The following KPNB1 variants were observed in gnomAD, a reference collection of about 807,000 sequenced individuals.
KPNB1 encodes the protein karyopherin subunit beta 1, also known as importin subunit beta-1.
A neutral mutation model predicts 113.0 loss-of-function variants in KPNB1; 7 were observed. The observed-to-expected ratio is 0.06, with a 90% CI of 0.04 to 0.12. KPNB1 has a LOEUF of 0.12. Ranked by LOEUF, KPNB1 falls within the 10% of genes least tolerant of loss-of-function variation. The pLI is 1.00. For missense variants in KPNB1, 400 were observed against 1,054.8 expected (o/e 0.38, Z 8.60); for synonymous variants, 363 against 378.6 (o/e 0.96, Z 0.48).
Position 47,650,059 on chromosome 17 carries a change from A to C in KPNB1, c.-186A>C. 1 of 1,381,024 alleles carries C rather than the reference A, an allele frequency of 7.2e-7. No homozygotes were observed. Among genetic ancestry groups the C allele is most frequent in the African/African-American group, 1.5e-5 (1 of 66,488 alleles). The allele number at this position is 1,381,024 out of a possible 1,614,324, so 85.5% of individuals were successfully genotyped here. On this transcript the variant is annotated 5_prime_UTR_variant, in exon 1 of 22. Transcript: ENST00000290158. The stretch of plus-strand genomic sequence containing the variant: ...CCATTTGGAGGGAGGAAGTAAGGGA[A>C]GAGGAGAGGAAGGGGAGCCGGACCG...
chr17:47,667,015 A>G (rs1299284221), intron 9 of KPNB1, among the ~76,000 whole-genome samples: 2 of 152,226 alleles, frequency 1.3e-5, no homozygotes, highest in Non-Finnish European at 2.9e-5. Flanking sequence ...TAAGTTTACT[A>G]TGTGGTGTGA....
intron 5 of KPNB1, among the ~76,000 whole-genome samples, chr17:47,660,532 C>T (rs1214142993): frequency 6.6e-6 from 1 of 152,192 alleles, no homozygotes; most frequent in Non-Finnish European, 1.5e-5. Flanking sequence ...TTTGTTGACA[C>T]TTCAGCTGGG....
At chr17:47,677,472 C>CAAAAAA (rs746941632) in intron 17 of KPNB1, among the ~76,000 whole-genome samples, 1 of 53,270 alleles carries the variant, frequency 1.9e-5, no homozygotes, top group Non-Finnish European at 4.1e-5. Flanking sequence ...AACTCCGTCT[C>CAAAAAA]AAAAAAAAAA....
At chr17:47,660,801 C>CTT (rs1254605066) in intron 5 of KPNB1, among the ~76,000 whole-genome samples, 1 of 152,186 alleles carries the variant, frequency 6.6e-6, no homozygotes, top group East Asian at 1.9e-4. Context: ...AAATTTTTAT[C>CTT]TTTTAACCAT....
At chr17:47,680,463 G>C (rs1368311236) in intron 20 of KPNB1, 45 bp from the exon 21 acceptor site, 1 of 1,605,206 alleles carries the variant, frequency 6.2e-7, no homozygotes, top group African/African-American at 1.3e-5. Flanking sequence ...CATTATACTG[G>C]TATGGGGCTA....
intron 5 of KPNB1, 46 bp from the exon 6 acceptor site, chr17:47,661,073 A>T: frequency 6.8e-7 from 1 of 1,469,196 alleles, no homozygotes; most frequent in Non-Finnish European, 9.5e-7. Context: ...CTTCCTACGT[A>T]CAGGTTATGC....
chr17:47,650,008 A>C lies in KPNB1; in HGVS notation c.-237A>C. On this transcript the variant is annotated 5_prime_UTR_variant, in exon 1 of 22. Coordinates refer to ENST00000290158, the MANE Select transcript of KPNB1 (RefSeq NM_002265.6). ...CACCAGCGCGCTCTGAGCTGCCCCCAGGGTCCCTCCCCCGCCGCCAGCAGC... is the reference window on the plus strand; with the variant it reads ...CACCAGCGCGCTCTGAGCTGCCCCCCGGGTCCCTCCCCCGCCGCCAGCAGC... The C allele has an allele frequency of 7.4e-7, 1 of 1,355,940 alleles. No homozygotes were observed. The highest frequency in any genetic ancestry group is 9.4e-7 in the Non-Finnish European group (1 of 1,059,370). 84.0% of individuals were successfully genotyped at this position (1,355,940 alleles called of 1,614,324 possible).
chr17:47,681,686 G>GTTTTTTTTT (rs59222945), intron 21 of KPNB1, among the ~76,000 whole-genome samples: 3,439 of 96,248 alleles, frequency 0.036, no homozygotes, highest in East Asian at 0.044. Context: ...GGAATTATAG[G>GTTTTTTTTT]TTTTTTTTTT....
intron 9 of KPNB1, among the ~76,000 whole-genome samples, chr17:47,666,010 C>G (rs773788713): frequency 2.6e-5 from 4 of 151,896 alleles, no homozygotes; most frequent in Non-Finnish European, 4.4e-5. Flanking sequence ...TGGGTGTTCC[C>G]TTAATTTTCA....
chr17:47,674,546 A>G (rs558165782), intron 14 of KPNB1, 92 bp from the exon 15 acceptor site: 1 of 1,270,682 alleles, frequency 7.9e-7, no homozygotes, highest in African/African-American at 1.5e-5. Flanking sequence ...AAAAAATATC[A>G]AGGGACTTAA....
Position 47,679,993 on chromosome 17 carries a change from G to T in KPNB1, c.2354-27G>T. The T allele has an allele frequency of 2.0e-6, 3 of 1,533,908 alleles. No homozygotes were observed. In the South Asian group the frequency reaches 3.4e-5, roughly 17 times the overall value. ...TTTACAGGCATGAGCCACCGCACCC[G>T]ACCAATACCTTCTCTCTCTTTTATA... On this transcript the variant is annotated intron_variant, in intron 19 of 21. Coordinates refer to ENST00000290158, the MANE Select transcript of KPNB1 (RefSeq NM_002265.6).
At chr17:47,677,788 A>G (rs1269933565) in intron 17 of KPNB1, among the ~76,000 whole-genome samples, 1 of 152,210 alleles carries the variant, frequency 6.6e-6, no homozygotes, top group Admixed American at 6.5e-5. Context: ...GATAGCCATC[A>G]TTAATTATTG....
At chr17:47,660,537 G>C (rs976986177) in intron 5 of KPNB1, among the ~76,000 whole-genome samples, 2 of 152,212 alleles carry the variant, frequency 1.3e-5, no homozygotes, top group African/African-American at 2.4e-5. Context: ...TGACACTTCA[G>C]CTGGGTTTTT....
intron 9 of KPNB1, among the ~76,000 whole-genome samples, chr17:47,665,875 T>C (rs886208704): frequency 1.3e-4 from 20 of 152,216 alleles, no homozygotes; most frequent in African/African-American, 3.6e-4. Context: ...GACGAAACAA[T>C]GTTGGTAACT....
chr17:47,671,984 AC>A (rs1234713839), intron 12 of KPNB1: 1 of 151,450 alleles, frequency 6.6e-6, no homozygotes, highest in Non-Finnish European at 1.5e-5. Context: ...AGCAAAGTAA[AC>A]CTTCAGGAAG....
In KPNB1 at chr17:47,650,388, C is replaced by T; in HGVS notation, c.43C>T (p.Arg15Trp). 6.2e-7 allele frequency: 1 copy of T among 1,611,442 alleles called. No individual in the cohort carries two copies. Among genetic ancestry groups the T allele is most frequent in the Non-Finnish European group, 8.5e-7 (1 of 1,179,470 alleles). ...TILEKTVSPDRLELEAAQKFL... is the reference protein window; with the variant it reads ...TILEKTVSPDWLELEAAQKFL... Reference sequence around the variant, plus strand: ...GTCTCCCACTTTCCTCCCCCTAGATCGGCTGGAGCTGGAAGCGGCGCAGAA... The same window carrying T: ...GTCTCCCACTTTCCTCCCCCTAGATTGGCTGGAGCTGGAAGCGGCGCAGAA... Residue 15 changes from arginine (R) to tryptophan (W), a missense_variant and splice_region_variant, in exon 2 of 22, where the codon CGG (arginine) becomes TGG (tryptophan). This residue lies in a region of KPNB1 where 285 missense variants were observed against 627.0 expected (regional missense o/e 0.45). Transcript: ENST00000290158.
In KPNB1 at chr17:47,677,147, C is replaced by T. The variant is rs28696135; in HGVS notation, c.2103+20C>T. 1 of 1,494,386 alleles carries T rather than the reference C, an allele frequency of 6.7e-7. No homozygotes were observed. The highest frequency in any genetic ancestry group is 1.1e-5 in the South Asian group (1 of 88,114). 92.6% of individuals were successfully genotyped at this position (1,494,386 alleles called of 1,614,324 possible). A position where few individuals can be genotyped will look rare whatever the true frequency, so the allele number is the denominator to read the frequency against. On this transcript the variant is annotated intron_variant, in intron 17 of 21. Transcript: ENST00000290158. The stretch of plus-strand genomic sequence containing the variant: ...TTGGGGGTGAGTATCTACACACAAT[C>T]TAATTAACCAGTCTTCTTTGAAGAA...
chr17:47,649,972 C>T lies in KPNB1; in HGVS notation c.-273C>T, dbSNP rs1034490754. 4 of 1,325,874 alleles carry T rather than the reference C, an allele frequency of 3.0e-6. No individual in the cohort carries two copies. In the African/African-American group the frequency reaches 6.1e-5, roughly 20 times the overall value. 82.1% of individuals were successfully genotyped at this position (1,325,874 alleles called of 1,614,324 possible). ...AGCCTCCCTTCCTTCTTTCTCCCTC[C>T]GCCTCCCGAGCACCAGCGCGCTCTG... On this transcript the variant is annotated 5_prime_UTR_variant, in exon 1 of 22. Coordinates refer to ENST00000290158, the MANE Select transcript of KPNB1 (RefSeq NM_002265.6).
At chr17:47,664,718 T>C (rs1193545707) in intron 8 of KPNB1, among the ~76,000 whole-genome samples, 1 of 152,198 alleles carries the variant, frequency 6.6e-6, no homozygotes, top group African/African-American at 2.4e-5. Flanking sequence ...TTACACACTT[T>C]TATTTCAGGA....
Sources: allele counts gnomAD v4.1 joint callset (sites outside exome capture counted in the v4.1 genomes callset), GRCh38; gene constraint gnomAD v4.1.1; regional missense constraint gnomAD v4.1.1; transcripts MANE v1.5; gene names NCBI Gene and HGNC (gene_info 2026-07-23, HGNC 2026-07-21).